Variants in MAX observed in about 807,000 individuals in gnomAD.
The protein encoded by MAX is protein max.
A neutral mutation model predicts 22.3 loss-of-function variants in MAX; 3 were observed. That is an observed-to-expected ratio of 0.13 (90% CI 0.06 to 0.35). The LOEUF is 0.35. Among genes scored for constraint, MAX ranks in the 10% least tolerant of loss-of-function variants. MAX has a pLI of 1.00. For missense variants in MAX, 119 were observed against 209.4 expected, an observed-to-expected ratio of 0.57 and a Z score of 2.66; for synonymous variants, 72 against 77.7, an observed-to-expected ratio of 0.93 and a Z score of 0.39.
downstream of MAX, among the ~76,000 whole-genome samples, chr14:65,071,183 C>A (rs2139720639): frequency 6.6e-6 from 1 of 152,164 alleles, no homozygotes; most frequent in African/African-American, 2.4e-5. The surrounding 1 kb of genome is among the most constrained non-coding windows in gnomAD (Gnocchi z 4.2). Context: ...GCTGTGTCAC[C>A]CAGGCTGGAG....
At chr14:65,095,556 T>G (rs1834216754) in intron 2 of MAX, among the ~76,000 whole-genome samples, 1 of 152,352 alleles carries the variant, frequency 6.6e-6, no homozygotes, top group Admixed American at 6.5e-5. Flanking sequence ...TGTTGTTCCC[T>G]CTGATCATCT....
In MAX at chr14:65,027,589, A is replaced by G. The variant is rs2062006849; in HGVS notation, c.172-21305T>C. The G allele has an allele frequency of 1.2e-6, 2 of 1,614,210 alleles. No homozygotes were observed. Among genetic ancestry groups the G allele is most frequent in the Non-Finnish European group, 1.7e-6 (2 of 1,180,028 alleles). ...CATTGGCACCGAGGAGGCCTATGAC[A>G]TCATTAACAGGTACAGTGAAAGCCA... On this transcript the variant is annotated intron_variant, in intron 3 of 3. Coordinates refer to the MAX transcript ENST00000341653. The surrounding 1 kb of genome is among the most constrained non-coding windows in gnomAD (Gnocchi z 5.7).
At chr14:65,074,663 G>A (rs7156617), downstream of MAX, among the ~76,000 whole-genome samples, 49,858 of 152,108 alleles carry the variant, frequency 0.33, 8,423 homozygotes, top group Non-Finnish European at 0.35. Context: ...GAGCTAACTC[G>A]GTGCAGTTGG....
Position 65,069,263 on chromosome 14 carries a change from T to G in MAX, c.171+24445A>C, listed in dbSNP as rs1249783128. Among the ~76,000 whole-genome samples the G allele has an allele frequency of 1.3e-5, 2 of 148,966 alleles. No individual in the cohort carries two copies. The highest frequency in any genetic ancestry group is 3.0e-5 in the Non-Finnish European group (2 of 67,246). ...CACCAACAGCCCCCCACCCCCAGCC[T>G]GTCTGGACAGCTAGATGGGGAGCCC... On this transcript the variant is annotated intron_variant, in intron 3 of 3. Coordinates refer to the MAX transcript ENST00000341653. This position sits in a 1 kb window ranked among gnomAD's most constrained non-coding sequence, Gnocchi z 4.6.
intron 3 of MAX, among the ~76,000 whole-genome samples, chr14:65,085,687 T>C (rs1304890953): frequency 6.6e-6 from 1 of 152,030 alleles, no homozygotes; most frequent in Non-Finnish European, 1.5e-5. Flanking sequence ...CAGTATTTGA[T>C]ATTGGCCTCT....
At chr14:65,017,310 A>G (rs2061794405) in intron 3 of MAX, among the ~76,000 whole-genome samples, 2 of 152,134 alleles carry the variant, frequency 1.3e-5, no homozygotes, top group African/African-American at 4.8e-5. Context: ...ATATTTGGAA[A>G]GTTTTCCCTT....
Position 65,027,572 on chromosome 14 carries a change from C to T in MAX, c.172-21288G>A, listed in dbSNP as rs1484691602. 6.2e-7 allele frequency: 1 copy of T among 1,614,172 alleles called. No homozygotes were observed. Among genetic ancestry groups the T allele is most frequent in the Non-Finnish European group, 8.5e-7 (1 of 1,180,034 alleles). ...GTCAATGCATTGTGCATCATTGGCACCGAGGAGGCCTATGACATCATTAAC... is the reference window on the plus strand; with the variant it reads ...GTCAATGCATTGTGCATCATTGGCATCGAGGAGGCCTATGACATCATTAAC... On this transcript the variant is annotated intron_variant, in intron 3 of 3. Coordinates refer to the MAX transcript ENST00000341653. This position sits in a 1 kb window ranked among gnomAD's most constrained non-coding sequence, Gnocchi z 5.7.
chr14:65,039,307 G>A (rs2139618875), intron 3 of MAX, among the ~76,000 whole-genome samples: 1 of 152,264 alleles, frequency 6.6e-6, no homozygotes, highest in East Asian at 1.9e-4. Flanking sequence ...TGGGGCTGGG[G>A]GTATTGTGTT....
Position 65,075,551 on chromosome 14 carries a change from T to G in MAX, c.*925A>C. ...ATACACACGGGAAGAAAGAAAGATTTCATCATTACTTTATGAATCTGTCGC... is the reference window on the plus strand; with the variant it reads ...ATACACACGGGAAGAAAGAAAGATTGCATCATTACTTTATGAATCTGTCGC... On this transcript the variant is annotated 3_prime_UTR_variant, in exon 5 of 5. Transcript: ENST00000358664. The surrounding 1 kb of genome is among the most constrained non-coding windows in gnomAD (Gnocchi z 4.1). 9.4e-7 allele frequency: 1 copy of G among 1,065,818 alleles called. No individual in the cohort carries two copies. Among genetic ancestry groups the G allele is most frequent in the Non-Finnish European group, 1.1e-6 (1 of 879,350 alleles). The allele number at this position is 1,065,818 out of a possible 1,614,324, so 66.0% of individuals were successfully genotyped here. A position where few individuals can be genotyped will look rare whatever the true frequency, so the allele number is the denominator to read the frequency against.
At chr14:65,090,210 G>A (rs1330259423) in intron 3 of MAX, 3 of 152,132 alleles carry the variant, frequency 2.0e-5, no homozygotes, top group Non-Finnish European at 4.4e-5. Context: ...AAGCTCCCAG[G>A]ACAATGACAA....
intron 3 of MAX, among the ~76,000 whole-genome samples, chr14:65,055,196 G>A (rs1427495691): frequency 2.3e-5 from 2 of 86,422 alleles, no homozygotes; most frequent in African/African-American, 3.5e-5. Context: ...GTTGTTTAAT[G>A]TGTGTTTGTC....
At chr14:65,046,897 C>G (rs977469067) in intron 3 of MAX, among the ~76,000 whole-genome samples, 2 of 151,584 alleles carry the variant, frequency 1.3e-5, no homozygotes, top group Admixed American at 1.3e-4. Flanking sequence ...ATAGGTATTT[C>G]TTGCATAAAA....
Position 65,075,184 on chromosome 14 carries a change from C to T in MAX, c.*1292G>A. 1 of 1,038,760 alleles carries T rather than the reference C, an allele frequency of 9.6e-7. No homozygotes were observed. Among genetic ancestry groups the T allele is most frequent in the Non-Finnish European group, 1.2e-6 (1 of 862,756 alleles). The allele number at this position is 1,038,760 out of a possible 1,614,324, so 64.3% of individuals were successfully genotyped here. A position where few individuals can be genotyped will look rare whatever the true frequency, so the allele number is the denominator to read the frequency against. Reference sequence around the variant, plus strand: ...TAGTAAAGGGGGAAGCCTTAACTTGCAAGACAATTCTTCGGCAGTATGTAC... The same window carrying T: ...TAGTAAAGGGGGAAGCCTTAACTTGTAAGACAATTCTTCGGCAGTATGTAC... On this transcript the variant is annotated 3_prime_UTR_variant, in exon 5 of 5. Coordinates refer to ENST00000358664, the MANE Select transcript of MAX (RefSeq NM_002382.5). This position sits in a 1 kb window ranked among gnomAD's most constrained non-coding sequence, Gnocchi z 4.1.
intron 3 of MAX, among the ~76,000 whole-genome samples, chr14:65,034,851 A>G (rs1366724348): frequency 6.6e-6 from 1 of 152,122 alleles, no homozygotes; most frequent in Non-Finnish European, 1.5e-5. Flanking sequence ...GTTGTGTCCT[A>G]GACATTGTGA....
At chr14:65,068,471 T>C (rs7152879) in intron 3 of MAX, among the ~76,000 whole-genome samples, 23,743 of 152,224 alleles carry the variant, frequency 0.16, 3,067 homozygotes, top group African/African-American at 0.36. Context: ...ATGCTCCATA[T>C]GTTTGAAGGC....
At chr14:65,091,484 C>T (rs749817960) in intron 3 of MAX, among the ~76,000 whole-genome samples, 1 of 152,150 alleles carries the variant, frequency 6.6e-6, no homozygotes, top group African/African-American at 2.4e-5. Flanking sequence ...CTGGACCACT[C>T]CTCTCTCCTA....
chr14:65,021,173 T>G (rs1269631168), intron 3 of MAX, among the ~76,000 whole-genome samples: 1 of 152,238 alleles, frequency 6.6e-6, no homozygotes, highest in Non-Finnish European at 1.5e-5. Context: ...GAGAATCCCA[T>G]TCTTTGTTAC....
intron 3 of MAX, among the ~76,000 whole-genome samples, chr14:65,081,613 T>C (rs951373803): frequency 7.2e-5 from 11 of 152,216 alleles, no homozygotes; most frequent in Admixed American, 4.6e-4. Context: ...CAACTGCCTA[T>C]CTTCATGTGA....
chr14:65,093,870 A>C lies in MAX; in HGVS notation c.64-55T>G, dbSNP rs1254243692. The C allele has an allele frequency of 9.6e-7, 1 of 1,038,646 alleles. No homozygotes were observed. The highest frequency in any genetic ancestry group is 2.0e-4 in the Middle Eastern group (1 of 4,930). The allele number at this position is 1,038,646 out of a possible 1,614,324, so 64.3% of individuals were successfully genotyped here. On this transcript the variant is annotated intron_variant, in intron 2 of 4. Coordinates refer to ENST00000358664, the MANE Select transcript of MAX (RefSeq NM_002382.5). This position sits in a 1 kb window ranked among gnomAD's most constrained non-coding sequence, Gnocchi z 4.4. ...GAATGTCACTCCTTTTGCTTGGTAC[A>C]AGGTGGGTGGGGTACAGCCTGGAAG...
Sources: allele counts gnomAD v4.1 joint callset (sites outside exome capture counted in the v4.1 genomes callset), GRCh38; gene constraint gnomAD v4.1.1; non-coding constraint Gnocchi (gnomAD v3.1); transcripts MANE v1.5; gene names NCBI Gene and HGNC (gene_info 2026-07-23, HGNC 2026-07-21).